Variants in MME observed in about 807,000 individuals in gnomAD.
MME encodes the protein membrane metalloendopeptidase.
In MME, 98 loss-of-function variants were observed where a neutral mutation model predicts 113.2. The observed-to-expected ratio is 0.87, with a 90% CI of 0.74 to 1.02. MME has a LOEUF of 1.02. MME is among the 50% of genes least tolerant of loss of function. The pLI, the probability that MME is intolerant of heterozygous loss-of-function variation, is 0.00. For missense variants in MME, 836 were observed against 896.0 expected (o/e 0.93, Z 0.86); for synonymous variants, 292 against 300.6 (o/e 0.97, Z 0.30).
chr3:155,169,401 A>G (rs1022659407), intron 20 of MME, among the ~76,000 whole-genome samples: 1 of 152,176 alleles, frequency 6.6e-6, no homozygotes. Flanking sequence ...TCTTGCATTC[A>G]ATACATATTC....
intron 22 of MME, among the ~76,000 whole-genome samples, chr3:155,179,956 A>T (rs61760451): frequency 6.6e-6 from 1 of 152,222 alleles, no homozygotes; most frequent in Non-Finnish European, 1.5e-5. Context: ...ATATTCTTTG[A>T]CCAAACTCTT....
chr3:155,058,423 A>C (rs1714013850), intron 1 of MME, among the ~76,000 whole-genome samples: 1 of 152,250 alleles, frequency 6.6e-6, no homozygotes, highest in Non-Finnish European at 1.5e-5. Context: ...AAATTAATGG[A>C]TGAATGAGAA....
At chr3:155,086,821 T>A (rs1052003117) in intron 3 of MME, among the ~76,000 whole-genome samples, 2 of 152,154 alleles carry the variant, frequency 1.3e-5, no homozygotes. Flanking sequence ...ATTTATTTAT[T>A]TGAGGCAGGA....
At chr3:155,026,081 A>T (rs1712775042) in intron 1 of MME, among the ~76,000 whole-genome samples, 1 of 151,848 alleles carries the variant, frequency 6.6e-6, no homozygotes, top group South Asian at 2.1e-4. Flanking sequence ...AGCCATGGAC[A>T]TTCTAACAGC....
chr3:155,152,578 C>T (rs765339013), intron 16 of MME, among the ~76,000 whole-genome samples: 9 of 152,056 alleles, frequency 5.9e-5, no homozygotes, highest in Non-Finnish European at 1.0e-4. Flanking sequence ...CAGTGGCTCA[C>T]GCCTATAATC....
At chr3:155,025,829 G>A (rs1362495804) in intron 1 of MME, among the ~76,000 whole-genome samples, 1 of 149,876 alleles carries the variant, frequency 6.7e-6, no homozygotes, top group African/African-American at 2.5e-5. Context: ...CAAGTAGCTG[G>A]GATTACAGGT....
At chr3:155,134,483 T>C (rs1576627894) in intron 8 of MME, among the ~76,000 whole-genome samples, 1 of 152,326 alleles carries the variant, frequency 6.6e-6, no homozygotes, top group African/African-American at 2.4e-5. Context: ...TTCTTTTTTA[T>C]GGCTGCATAG....
chr3:155,130,503 A>C (rs922647029), intron 8 of MME, among the ~76,000 whole-genome samples: 1 of 152,132 alleles, frequency 6.6e-6, no homozygotes, highest in African/African-American at 2.4e-5. Context: ...GAGCCTTCAC[A>C]AAATCTGAGG....
At chr3:155,128,047 C>T (rs1338100731) in intron 8 of MME, among the ~76,000 whole-genome samples, 1 of 152,220 alleles carries the variant, frequency 6.6e-6, no homozygotes, top group Non-Finnish European at 1.5e-5. Context: ...TGGTGACATC[C>T]TTCTTTCCTG....
intron 17 of MME, among the ~76,000 whole-genome samples, chr3:155,160,818 G>T (rs1311093949): frequency 1.3e-5 from 2 of 151,912 alleles, no homozygotes; most frequent in East Asian, 3.9e-4. Context: ...TCTTAAAGTG[G>T]TTTAAGGTTT....
rs377067895 is a variant in MME, at chr3:155,140,231, T to C, written c.896T>C (p.Leu299Pro). Residue 299 changes from leucine (L) to proline (P), a missense_variant, in exon 10 of 23, where the codon CTG (leucine) becomes CCG (proline). Leu to Pro is a moderately conservative substitution (Grantham distance 98). Coordinates refer to ENST00000360490, the MANE Select transcript of MME (RefSeq NM_007289.4). ...KPEDRNDPML[L>P]YNKMTLAQIQ... ...GAAGATCGAAATGATCCAATGCTTC[T>C]GTATAACAAGATGACATTGGCCCAG... The C allele has an allele frequency of 6.2e-7, 1 of 1,612,772 alleles. No individual in the cohort carries two copies. The highest frequency in any genetic ancestry group is 8.5e-7 in the Non-Finnish European group (1 of 1,179,284).
At chr3:155,109,573 T>C (rs1170146025) in intron 3 of MME, among the ~76,000 whole-genome samples, 2 of 152,224 alleles carry the variant, frequency 1.3e-5, no homozygotes, top group Non-Finnish European at 2.9e-5. Context: ...CAAGTAAGTA[T>C]GGGACTATAC....
intron 22 of MME, among the ~76,000 whole-genome samples, chr3:155,174,538 A>T (rs958129423): frequency 3.3e-5 from 5 of 152,036 alleles, no homozygotes; most frequent in African/African-American, 4.8e-5. Context: ...CATATTTTTT[A>T]AAAAAACTTT....
chr3:155,150,513 A>G (rs2108329616), intron 16 of MME, among the ~76,000 whole-genome samples: 1 of 152,300 alleles, frequency 6.6e-6, no homozygotes, highest in African/African-American at 2.4e-5. Context: ...TCTCTGCTAT[A>G]TGGAGCCAGC....
intron 3 of MME, among the ~76,000 whole-genome samples, chr3:155,101,087 C>A (rs1158707742): frequency 6.6e-6 from 1 of 151,770 alleles, no homozygotes; most frequent in South Asian, 2.1e-4. Context: ...AACCCCCCCA[C>A]CCACTCTCTT....
upstream of MME, among the ~76,000 whole-genome samples, chr3:155,079,001 C>T (rs539451497): frequency 2.0e-5 from 3 of 152,214 alleles, no homozygotes; most frequent in East Asian, 5.8e-4. Context: ...TTATTTTTCT[C>T]TTTCTCACTC....
chr3:155,169,987 G>A (rs1031077528), intron 20 of MME, among the ~76,000 whole-genome samples: 4 of 152,114 alleles, frequency 2.6e-5, no homozygotes, highest in African/African-American at 7.2e-5. Context: ...CAGGGACATG[G>A]GAGATTGCTG....
intron 17 of MME, among the ~76,000 whole-genome samples, chr3:155,164,813 T>G (rs1393243172): frequency 6.6e-6 from 1 of 152,190 alleles, no homozygotes; most frequent in Admixed American, 6.5e-5. Flanking sequence ...TTCATAAAAA[T>G]TCTCTAAAGA....
chr3:155,041,907 G>A (rs929966643), intron 1 of MME, among the ~76,000 whole-genome samples: 1 of 152,178 alleles, frequency 6.6e-6, no homozygotes, highest in Non-Finnish European at 1.5e-5. Context: ...AAAGGAGATT[G>A]TCAGTAGCAC....
Sources: allele counts gnomAD v4.1 joint callset (sites outside exome capture counted in the v4.1 genomes callset), GRCh38; gene constraint gnomAD v4.1.1; transcripts MANE v1.5; gene names NCBI Gene and HGNC (gene_info 2026-07-23, HGNC 2026-07-21).